CNTN5: variants seen among roughly 807,000 people sequenced by gnomAD.
CNTN5 encodes contactin 5.
In CNTN5, 77 loss-of-function variants were observed where a neutral mutation model predicts 129.1. The ratio of observed to expected loss-of-function variants is 0.60; its 90% CI spans 0.50 to 0.72. CNTN5 has a LOEUF of 0.72. Among genes scored for constraint, CNTN5 ranks in the 30% least tolerant of loss-of-function variants. The pLI, the probability that CNTN5 is intolerant of heterozygous loss-of-function variation, is 0.00. For missense variants in CNTN5, 1,478 were observed against 1,328.8 expected, an observed-to-expected ratio of 1.11 and a Z score of -1.75; for synonymous variants, 509 against 465.6, an observed-to-expected ratio of 1.09 and a Z score of -1.20.
chr11:99,183,899 A>G (rs1043971949), intron 1 of CNTN5, among the ~76,000 whole-genome samples: 2 of 152,074 alleles, frequency 1.3e-5, no homozygotes, highest in African/African-American at 4.8e-5. Context: ...TAGTTTAATT[A>G]CCCATTCTGT....
chr11:100,116,046 C>G (rs964577830), intron 13 of CNTN5, among the ~76,000 whole-genome samples: 1 of 151,984 alleles, frequency 6.6e-6, no homozygotes, highest in African/African-American at 2.4e-5. Context: ...CTCTTCCTGC[C>G]TTTCCATTCT....
chr11:99,621,651 T>G (rs995830659), intron 3 of CNTN5, among the ~76,000 whole-genome samples: 2 of 152,218 alleles, frequency 1.3e-5, no homozygotes, highest in Admixed American at 6.5e-5. Flanking sequence ...ATTGGTAATA[T>G]TTTTCATTGG....
At chr11:99,304,379 T>C (rs1302714928) in intron 1 of CNTN5, among the ~76,000 whole-genome samples, 1 of 152,164 alleles carries the variant, frequency 6.6e-6, no homozygotes, top group Non-Finnish European at 1.5e-5. Context: ...AGGAAAATAA[T>C]CTGATTAAAA....
At chr11:99,046,618 C>A (rs574065940) in intron 1 of CNTN5, among the ~76,000 whole-genome samples, 1 of 151,908 alleles carries the variant, frequency 6.6e-6, no homozygotes, top group South Asian at 2.1e-4. Context: ...GAATTTAAGC[C>A]GAGAAAGGTA....
chr11:99,884,746 G>C (rs1050646238), intron 6 of CNTN5, among the ~76,000 whole-genome samples: 1 of 152,200 alleles, frequency 6.6e-6, no homozygotes, highest in Non-Finnish European at 1.5e-5. Context: ...GGAGGTTGAG[G>C]CAGGTGGATC....
chr11:99,653,459 C>A (rs1050851262), intron 3 of CNTN5, among the ~76,000 whole-genome samples: 2 of 151,922 alleles, frequency 1.3e-5, no homozygotes, highest in African/African-American at 4.8e-5. Context: ...AGATTTCAAC[C>A]TTAAATCAGT....
chr11:99,079,732 C>T (rs2135277347), intron 1 of CNTN5, among the ~76,000 whole-genome samples: 1 of 152,320 alleles, frequency 6.6e-6, no homozygotes, highest in South Asian at 2.1e-4. Flanking sequence ...CTGTTTCACA[C>T]TTCTTTGCCT....
At chr11:99,055,225 ATATAAC>A (rs1471946546) in intron 1 of CNTN5, among the ~76,000 whole-genome samples, 1 of 152,018 alleles carries the variant, frequency 6.6e-6, no homozygotes, top group South Asian at 2.1e-4. Context: ...CAGAGAACAA[ATATAAC>A]TATGAGTGGC....
chr11:99,792,571 GTGTGTCTGTC>G (rs1369485091), intron 3 of CNTN5, among the ~76,000 whole-genome samples: 1 of 134,594 alleles, frequency 7.4e-6, no homozygotes, highest in Non-Finnish European at 1.6e-5. Flanking sequence ...GTGTGTGTGT[GTGTGTCTGTC>G]TGTCTGTCTG....
At chr11:99,451,295 A>T (rs527300068) in intron 2 of CNTN5, among the ~76,000 whole-genome samples, 1 of 152,318 alleles carries the variant, frequency 6.6e-6, no homozygotes, top group Admixed American at 6.5e-5. Context: ...GAGTATTCAC[A>T]CTGATGACCC....
intron 1 of CNTN5, among the ~76,000 whole-genome samples, chr11:99,311,671 T>C (rs1234867635): frequency 2.6e-5 from 4 of 152,176 alleles, no homozygotes; most frequent in Non-Finnish European, 1.5e-5. Flanking sequence ...AAGTGGTTCT[T>C]GAAATAAGCC....
intron 1 of CNTN5, among the ~76,000 whole-genome samples, chr11:99,300,481 G>A (rs765609439): frequency 6.6e-6 from 1 of 151,908 alleles, no homozygotes; most frequent in Non-Finnish European, 1.5e-5. Flanking sequence ...TGATCATGGT[G>A]TATTATTTGT....
intron 2 of CNTN5, among the ~76,000 whole-genome samples, chr11:99,450,257 AATATATATATATATAT>A (rs56270711): frequency 2.1e-5 from 3 of 145,992 alleles, no homozygotes; most frequent in African/African-American, 7.6e-5. Flanking sequence ...TGCTGGTAGA[AATATATATATATATAT>A]ATATATATAT....
chr11:99,080,742 T>C (rs1865757403), intron 1 of CNTN5, among the ~76,000 whole-genome samples: 1 of 152,176 alleles, frequency 6.6e-6, no homozygotes, highest in African/African-American at 2.4e-5. Flanking sequence ...AAGGAATAGC[T>C]ATTGAATAGG....
At chr11:100,183,622 A>C (rs78321997) in intron 13 of CNTN5, among the ~76,000 whole-genome samples, 3,082 of 152,238 alleles carry the variant, frequency 0.02, 109 homozygotes, top group African/African-American at 0.069. Flanking sequence ...CGATGGGGTT[A>C]GAAGGGGCTG....
chr11:99,292,884 T>C (rs1864229016), intron 1 of CNTN5, among the ~76,000 whole-genome samples: 1 of 152,124 alleles, frequency 6.6e-6, no homozygotes, highest in Non-Finnish European at 1.5e-5. Flanking sequence ...CTTCTCTACA[T>C]TGGGCCTTTA....
At chr11:100,272,043 T>C (rs958875495) in intron 18 of CNTN5, among the ~76,000 whole-genome samples, 3 of 152,132 alleles carry the variant, frequency 2.0e-5, no homozygotes, top group Non-Finnish European at 4.4e-5. Context: ...CAAACATGAA[T>C]GTTGATAAGA....
intron 16 of CNTN5, among the ~76,000 whole-genome samples, chr11:100,246,395 CTCTTT>C (rs568173188): frequency 2.2e-4 from 34 of 152,204 alleles, no homozygotes; most frequent in African/African-American, 6.7e-4. Context: ...TTGTCCAAAT[CTCTTT>C]TCTTTAGATC....
At chr11:100,293,120 C>T (rs1186211029) in intron 18 of CNTN5, among the ~76,000 whole-genome samples, 1 of 151,732 alleles carries the variant, frequency 6.6e-6, no homozygotes, top group Non-Finnish European at 1.5e-5. Context: ...TTCTTTCTCC[C>T]CTTTTTAGCA....
Sources: allele counts gnomAD v4.1 joint callset (sites outside exome capture counted in the v4.1 genomes callset), GRCh38; gene constraint gnomAD v4.1.1; transcripts MANE v1.5; gene names NCBI Gene and HGNC (gene_info 2026-07-23, HGNC 2026-07-21).